The following PPP1R9A variants were observed in gnomAD, a reference collection of about 807,000 sequenced individuals.
The protein encoded by PPP1R9A is protein phosphatase 1 regulatory subunit 9A.
A neutral mutation model predicts 141.9 loss-of-function variants in PPP1R9A; 59 were observed. The ratio of observed to expected loss-of-function variants is 0.42; its 90% CI spans 0.34 to 0.52. The LOEUF (loss-of-function observed/expected upper bound fraction) is 0.52, where lower values mean the gene tolerates loss of function less well. Ranked by LOEUF, PPP1R9A falls within the 20% of genes least tolerant of loss-of-function variation. PPP1R9A has a pLI of 0.10. For synonymous variants in PPP1R9A, 500 were observed against 569.7 expected (o/e 0.88, Z 1.74); for missense variants, 1,444 against 1,611.9 (o/e 0.90, Z 1.78).
At chr7:95,031,869 AT>A (rs1807735180) in intron 2 of PPP1R9A, among the ~76,000 whole-genome samples, 1 of 152,178 alleles carries the variant, frequency 6.6e-6, no homozygotes, top group South Asian at 2.1e-4. Flanking sequence ...ACCTTAAATT[AT>A]TTCAACTAGA....
At chr7:95,048,508 T>A (rs1033552802) in intron 2 of PPP1R9A, among the ~76,000 whole-genome samples, 7 of 152,140 alleles carry the variant, frequency 4.6e-5, no homozygotes, top group East Asian at 3.9e-4. Context: ...TATTTTTTTT[T>A]AACCATGACA....
intron 2 of PPP1R9A, among the ~76,000 whole-genome samples, chr7:95,065,973 A>C (rs975461547): frequency 3.9e-5 from 6 of 152,194 alleles, no homozygotes; most frequent in African/African-American, 1.4e-4. Context: ...AGCCTAGGCA[A>C]GGGCACAGTA....
rs1200149761 is a variant in PPP1R9A at position 95,159,759 on chromosome 7, T to TA, written c.1650-2103dup. Among the ~76,000 whole-genome samples the TA allele has an allele frequency of 7.9e-5, 12 of 151,340 alleles. No homozygotes were observed. The South Asian group carries it at 1.5e-3, about 18-fold the overall frequency. ...CAACATGATGAAACCCCATCTCTACTAAAAATACAAAAAAACATTAGCCGG... is the reference window on the plus strand; with the variant it reads ...CAACATGATGAAACCCCATCTCTACTAAAAAATACAAAAAAACATTAGCCGG... On this transcript the variant is annotated intron_variant, in intron 4 of 19. Coordinates refer to ENST00000433360, the MANE Select transcript of PPP1R9A (RefSeq NM_001166160.2).
chr7:95,084,478 A>AT (rs1816338299), intron 2 of PPP1R9A, among the ~76,000 whole-genome samples: 1 of 151,930 alleles, frequency 6.6e-6, no homozygotes, highest in Admixed American at 6.6e-5. Context: ...TAAAATTTTA[A>AT]TTTTTTTCAT....
chr7:95,160,350 G>T (rs1830289882), intron 4 of PPP1R9A, among the ~76,000 whole-genome samples: 1 of 151,970 alleles, frequency 6.6e-6, no homozygotes, highest in Admixed American at 6.6e-5. Context: ...ATTTCATCTG[G>T]ATCTCTTATG....
At chr7:95,060,041 C>G (rs1812016720) in intron 2 of PPP1R9A, among the ~76,000 whole-genome samples, 1 of 152,118 alleles carries the variant, frequency 6.6e-6, no homozygotes, top group Admixed American at 6.6e-5. Flanking sequence ...TGAAAACACT[C>G]CTGGAAATAG....
chr7:95,055,001 A>G (rs546684657), intron 2 of PPP1R9A, among the ~76,000 whole-genome samples: 1 of 152,316 alleles, frequency 6.6e-6, no homozygotes, highest in South Asian at 2.1e-4. Flanking sequence ...GGTGTTAAAA[A>G]CAAAGTTATT....
At chr7:94,975,937 G>A (rs1003550677) in intron 2 of PPP1R9A, among the ~76,000 whole-genome samples, 5 of 152,006 alleles carry the variant, frequency 3.3e-5, no homozygotes, top group African/African-American at 4.8e-5. Flanking sequence ...AAGTAGCCCC[G>A]GTTTCTCTGT....
chr7:95,042,269 C>A (rs1023073343), intron 2 of PPP1R9A, among the ~76,000 whole-genome samples: 2 of 152,186 alleles, frequency 1.3e-5, no homozygotes, highest in Admixed American at 1.3e-4. Context: ...ACGTGATACT[C>A]ATGCATCATG....
chr7:95,285,064 T>G (rs933927083), intron 17 of PPP1R9A, among the ~76,000 whole-genome samples: 8 of 152,230 alleles, frequency 5.3e-5, no homozygotes, highest in African/African-American at 1.9e-4. Flanking sequence ...TCCTGCTGCT[T>G]AAATGTTCTG....
chr7:95,019,348 A>G (rs149599374), intron 2 of PPP1R9A, among the ~76,000 whole-genome samples: 313 of 152,340 alleles, frequency 2.1e-3, no homozygotes, highest in African/African-American at 7.4e-3. Context: ...GCAACACTGC[A>G]CTCCAGCCTG....
intron 2 of PPP1R9A, among the ~76,000 whole-genome samples, chr7:94,973,599 G>T (rs192701984): frequency 3.0e-4 from 46 of 152,252 alleles, no homozygotes; most frequent in Middle Eastern, 3.4e-3. Flanking sequence ...GGACAAGAGA[G>T]AGATAGGGAT....
At position 95,185,502 on chromosome 7, in the gene PPP1R9A, T is replaced by C. The variant is rs184939828; in HGVS notation, c.1755-12847T>C. ...TTTTCTGTTTACTCTGCTGAAAACA[T>C]TCTTTGCTGTGCAGAAGCTTTTTAG... On this transcript the variant is annotated intron_variant, in intron 5 of 19. Transcript: ENST00000433360. Among the ~76,000 whole-genome samples the C allele has an allele frequency of 7.9e-5, 12 of 152,314 alleles. No homozygotes were observed. In the East Asian group the frequency reaches 2.3e-3, roughly 29 times the overall value.
chr7:95,052,332 A>G (rs926130868), intron 2 of PPP1R9A, among the ~76,000 whole-genome samples: 2 of 152,146 alleles, frequency 1.3e-5, no homozygotes, highest in African/African-American at 4.8e-5. Context: ...TTCATATAAG[A>G]GATTATGATG....
chr7:95,161,675 A>G (rs1041447507), intron 4 of PPP1R9A, among the ~76,000 whole-genome samples, 192 bp from the exon 5 acceptor site: 22 of 152,308 alleles, frequency 1.4e-4, no homozygotes, highest in Admixed American at 8.5e-4. Flanking sequence ...TATATCCACA[A>G]TTGGTTGAAT....
intron 2 of PPP1R9A, among the ~76,000 whole-genome samples, chr7:94,991,029 T>C (rs907859417): frequency 9.9e-5 from 15 of 152,184 alleles, no homozygotes; most frequent in Non-Finnish European, 1.8e-4. Flanking sequence ...CAGGTGTCTC[T>C]GCAATATACT....
chr7:95,247,668 G>A (rs1483576262), intron 9 of PPP1R9A, 142 bp downstream of exon 9: 13 of 641,454 alleles, frequency 2.0e-5, no homozygotes, highest in South Asian at 2.5e-5. Context: ...TGTCAGGTAC[G>A]TAGACAAACC....
intron 2 of PPP1R9A, among the ~76,000 whole-genome samples, chr7:95,058,069 C>T (rs1392077475): frequency 6.6e-6 from 1 of 152,100 alleles, no homozygotes; most frequent in Non-Finnish European, 1.5e-5. Context: ...GAGTCTGATT[C>T]AGTAAGTCAG....
chr7:95,217,216 T>G (rs1330138158), intron 7 of PPP1R9A, among the ~76,000 whole-genome samples: 2 of 152,218 alleles, frequency 1.3e-5, no homozygotes, highest in Non-Finnish European at 2.9e-5. Flanking sequence ...TCTGCATCTA[T>G]TGAGATAATC....
Sources: allele counts gnomAD v4.1 joint callset (sites outside exome capture counted in the v4.1 genomes callset), GRCh38; gene constraint gnomAD v4.1.1; transcripts MANE v1.5; gene names NCBI Gene and HGNC (gene_info 2026-07-23, HGNC 2026-07-21).